The following MAP3K12 variants were observed in gnomAD, a reference collection of about 807,000 sequenced individuals.
MAP3K12 encodes the protein mitogen-activated protein kinase kinase kinase 12.
In MAP3K12, 14 loss-of-function variants were observed where a neutral mutation model predicts 87.5. The ratio of observed to expected loss-of-function variants is 0.16; its 90% CI spans 0.11 to 0.25. The LOEUF is 0.25. MAP3K12 is among the 10% of genes least tolerant of loss of function. MAP3K12 has a pLI of 1.00. For synonymous variants in MAP3K12, 469 were observed against 452.5 expected, an observed-to-expected ratio of 1.04 and a Z score of -0.46; for missense variants, 802 against 1,140.4, an observed-to-expected ratio of 0.70 and a Z score of 4.27.
chr12:53,488,252 AGG>A (rs1400873570), intron 1 of MAP3K12, among the ~76,000 whole-genome samples: 1 of 152,160 alleles, frequency 6.6e-6, no homozygotes, highest in Non-Finnish European at 1.5e-5. Context: ...CGGCTCTCCC[AGG>A]GGTCAAACAA....
At position 53,487,080 on chromosome 12, in the gene MAP3K12, T is replaced by C; in HGVS notation, c.312A>G (p.Arg104=). The change falls in exon 2 of 14, where the codon AGA becomes AGG. Residue 104 remains arginine, a synonymous_variant. Coordinates refer to ENST00000547488, the MANE Select transcript of MAP3K12 (RefSeq NM_001193511.2). ...AAGSPESRAS[R]VRADEVRLQC... is the part of the protein sequence containing the mutation. ...GCAGTCGCACCTCGTCAGCTCGAAC[T>C]CTGGATGCCCGACTCTCAGGTGACC... The C allele has an allele frequency of 6.2e-7, 1 of 1,613,964 alleles. No individual in the cohort carries two copies.
intron 13 of MAP3K12, 162 bp downstream of exon 13, chr12:53,481,779 A>G: frequency 1.3e-6 from 1 of 799,090 alleles, no homozygotes; most frequent in East Asian, 2.7e-5. Flanking sequence ...ATCGTAATAG[A>G]TGCTCTGTGC....
At chr12:53,501,465 A>G (rs773262564), upstream of MAP3K12, 21 of 1,565,530 alleles carry the variant, frequency 1.3e-5, no homozygotes, top group South Asian at 2.5e-4. Flanking sequence ...TGCCTAGGTG[A>G]GCCGTCTCGT....
intron 4 of MAP3K12, 58 bp from the exon 5 acceptor site, chr12:53,485,533 T>G: frequency 6.4e-7 from 1 of 1,553,898 alleles, no homozygotes. Flanking sequence ...CATCTAACTC[T>G]GCAGCAACTC....
rs1942950828 is a variant in MAP3K12, at chr12:53,479,981, C to T, written c.*1201G>A. 1.3e-5 allele frequency: 2 copies of T among 152,092 alleles called. No homozygotes were observed. Among genetic ancestry groups the T allele is most frequent in the South Asian group, 2.1e-4 (1 of 4,830 alleles). The allele number at this position is 152,092 out of a possible 1,614,324, so 9.4% of individuals were successfully genotyped here. On this transcript the variant is annotated 3_prime_UTR_variant, in exon 14 of 14. Transcript: ENST00000547488. Reference sequence around the variant, plus strand: ...CACTTCCATCTTTTTTTGTGGCCCTCGATCCTATTTTTCCCTGACTCCATG... The same window carrying T: ...CACTTCCATCTTTTTTTGTGGCCCTTGATCCTATTTTTCCCTGACTCCATG...
intron 1 of MAP3K12, among the ~76,000 whole-genome samples, chr12:53,499,076 TCCC>T (rs1322394100): frequency 4.6e-5 from 7 of 151,192 alleles, no homozygotes; most frequent in African/African-American, 1.7e-4. Context: ...CCCTCCTCCT[TCCC>T]TCTCTCTCTT....
At chr12:53,498,489 AGG>A (rs1307008494) in intron 1 of MAP3K12, among the ~76,000 whole-genome samples, 1 of 152,150 alleles carries the variant, frequency 6.6e-6, no homozygotes, top group East Asian at 1.9e-4. Flanking sequence ...AGCATCTACA[AGG>A]TAGGACTCCT....
At chr12:53,493,211 A>T (rs1447034360) in intron 1 of MAP3K12, 3 of 152,124 alleles carry the variant, frequency 2.0e-5, no homozygotes, top group Non-Finnish European at 2.9e-5. Flanking sequence ...CGTGAGCGCG[A>T]CGTGGGGGCG....
Position 53,498,042 on chromosome 12 carries a change from G to A in MAP3K12, c.-38+1385C>T, listed in dbSNP as rs374828860. Reference sequence around the variant, plus strand: ...CTTCTTGCCTCCTCTGTCCATAACTGGGATGGATATTTAGCTGGTGTCTCC... The same window carrying A: ...CTTCTTGCCTCCTCTGTCCATAACTAGGATGGATATTTAGCTGGTGTCTCC... On this transcript the variant is annotated intron_variant, in intron 1 of 13. Transcript: ENST00000547488. 3.3e-5 allele frequency among the ~76,000 whole-genome samples: 5 copies of A among 152,246 alleles called. No individual in the cohort carries two copies. In the East Asian group the frequency reaches 9.7e-4, roughly 29 times the overall value.
At chr12:53,500,035 T>C (rs1296393374), upstream of MAP3K12, 3 of 152,364 alleles carry the variant, frequency 2.0e-5, no homozygotes, top group East Asian at 5.8e-4. Context: ...CACTTGGAAT[T>C]CACTCGGCTC....
chr12:53,486,141 G>C lies in MAP3K12; in HGVS notation c.736C>G (p.Leu246Val). 1 of 1,614,190 alleles carries C rather than the reference G, an allele frequency of 6.2e-7. No individual in the cohort carries two copies. The highest frequency in any genetic ancestry group is 8.5e-7 in the Non-Finnish European group (1 of 1,180,012). ...RAGRPVTPSLLVDWSMGIAGG... is the reference protein window; with the variant it reads ...RAGRPVTPSLVVDWSMGIAGG... ...GCGATGCCCATGGACCAGTCAACCA[G>C]TAAGGAGGGGGTGACAGGGCGGCCA... Residue 246 changes from leucine to valine, a missense_variant, in exon 4 of 14, where the codon CTG becomes GTG. By Grantham distance (32) the Leu-to-Val change is conservative. This residue lies in a region of MAP3K12 where 57 missense variants were observed against 161.8 expected (regional missense o/e 0.35). Transcript: ENST00000547488. This position sits in a 1 kb window ranked among gnomAD's most constrained non-coding sequence, Gnocchi z 4.9.
Position 53,486,713 on chromosome 12 carries a change from A to G in MAP3K12, c.446-91T>C, listed in dbSNP as rs537011257. The G allele has an allele frequency of 2.5e-5, 37 of 1,453,214 alleles. No individual in the cohort carries two copies. Among genetic ancestry groups the G allele is most frequent in the South Asian group, 1.8e-4 (13 of 70,336 alleles). The allele number at this position is 1,453,214 out of a possible 1,614,324, so 90.0% of individuals were successfully genotyped here. ...AGCATTGGGTTGGCTGAATTGACTT[A>G]AGGAGGGTGAGGCAGAAAGCCAAAA... is the stretch of plus-strand genomic sequence containing the variant. On this transcript the variant is annotated intron_variant, in intron 2 of 13. Transcript: ENST00000547488. The surrounding 1 kb of genome is among the most constrained non-coding windows in gnomAD (Gnocchi z 4.9).
chr12:53,484,957 A>G, intron 6 of MAP3K12, 99 bp downstream of exon 6: 3 of 1,444,270 alleles, frequency 2.1e-6, no homozygotes, highest in Non-Finnish European at 2.9e-6. Flanking sequence ...AGTCTCTTTG[A>G]ATTAAATGTA....
In MAP3K12 at chr12:53,482,878, G is replaced by A; in HGVS notation, c.1925C>T (p.Ser642Leu). 1 of 1,612,746 alleles carries A rather than the reference G, an allele frequency of 6.2e-7. No individual in the cohort carries two copies. Among genetic ancestry groups the A allele is most frequent in the Non-Finnish European group, 8.5e-7 (1 of 1,179,846 alleles). The change falls in exon 11 of 14, where the codon TCG (serine) becomes TTG (leucine). Residue 642 changes from serine (S) to leucine (L), a missense_variant. Ser to Leu is a moderately radical substitution (Grantham distance 145). Coordinates refer to ENST00000547488, the MANE Select transcript of MAP3K12 (RefSeq NM_001193511.2). ...TGCTGCTGACAGCAGGTCTGGGGAC[G>A]ATGAAGACATTTTGCGGAGCAGGAG... is the stretch of plus-strand genomic sequence containing the variant. Reference protein sequence around the residue: ...HDLLLRKMSSSSPDLLSAALG... With the variant: ...HDLLLRKMSSLSPDLLSAALG...
intron 1 of MAP3K12, among the ~76,000 whole-genome samples, chr12:53,496,263 C>G (rs780283615): frequency 8.5e-5 from 13 of 152,074 alleles, no homozygotes; most frequent in Non-Finnish European, 1.6e-4. Flanking sequence ...TGCTGGAGTC[C>G]CCAGTCATTC....
At chr12:53,499,654 C>T (rs935526009), upstream of MAP3K12, 1 of 145,444 alleles carries the variant, frequency 6.9e-6, no homozygotes, top group African/African-American at 2.5e-5. Context: ...CCCTGCTCGG[C>T]TTGAACTCCC....
At chr12:53,490,271 T>C (rs1182840691) in intron 1 of MAP3K12, among the ~76,000 whole-genome samples, 2 of 151,752 alleles carry the variant, frequency 1.3e-5, no homozygotes, top group Non-Finnish European at 2.9e-5. Flanking sequence ...GCCACTGTAC[T>C]CCAGCCTGGG....
intron 1 of MAP3K12, among the ~76,000 whole-genome samples, chr12:53,492,726 A>C (rs1943445961): frequency 6.6e-6 from 1 of 152,084 alleles, no homozygotes; most frequent in Admixed American, 6.5e-5. Context: ...GGAGGACCCA[A>C]GGGATTTTGC....
intron 1 of MAP3K12, among the ~76,000 whole-genome samples, chr12:53,492,322 A>G (rs2137224783): frequency 6.6e-6 from 1 of 152,312 alleles, no homozygotes; most frequent in East Asian, 1.9e-4. Context: ...CAGCCTTTAG[A>G]GAGATGACTT....
Sources: gnomAD v4.1 joint callset for allele counts (sites outside exome capture counted in the v4.1 genomes callset) on GRCh38, gnomAD v4.1.1 for gene constraint, gnomAD v4.1.1 regional missense constraint, Gnocchi (gnomAD v3.1) non-coding constraint, MANE v1.5 for transcripts, NCBI Gene and HGNC (gene_info 2026-07-23, HGNC 2026-07-21) for gene names.